The following GSTT2B variants were observed in gnomAD, a reference collection of about 807,000 sequenced individuals.
GSTT2B encodes the protein glutathione S-transferase theta 2B, also known as glutathione S-transferase theta-2B.
Under a neutral mutation model 16.6 loss-of-function variants are expected in GSTT2B, and 4 were observed. That is an observed-to-expected ratio of 0.24 (90% CI 0.12 to 0.55). The LOEUF is 0.55. GSTT2B is among the 20% of genes least tolerant of loss of function. The pLI, the probability that GSTT2B is intolerant of heterozygous loss-of-function variation, is 0.94. For synonymous variants in GSTT2B, 9 were observed against 110.9 expected (o/e 0.08, Z 5.77); for missense variants, 27 against 266.1 (o/e 0.10, Z 6.25).
chr22:23,960,791 A>G (rs1159015019), intron 1 of GSTT2B, among the ~76,000 whole-genome samples: 1 of 137,892 alleles, frequency 7.3e-6, no homozygotes, highest in Non-Finnish European at 1.6e-5. Context: ...TTTTCTTTCC[A>G]TCCCTACAGA....
At position 23,960,673 on chromosome 22, in the gene GSTT2B, C is replaced by T. The variant is rs1312305723; in HGVS notation, c.113-292G>A. On this transcript the variant is annotated intron_variant, in intron 1 of 4. Coordinates refer to ENST00000290765, the MANE Select transcript of GSTT2B (RefSeq NM_001080843.4). Reference sequence around the variant, plus strand: ...GCAAACTGGGGTGGCTCATCTCTTCCCATCTCTTAATTCTCACAACAGCAT... The same window carrying T: ...GCAAACTGGGGTGGCTCATCTCTTCTCATCTCTTAATTCTCACAACAGCAT... Among the ~76,000 whole-genome samples the T allele has an allele frequency of 4.9e-4, 53 of 108,340 alleles. 10 individuals are homozygous for T. The East Asian group carries it at 0.014, about 28-fold the overall frequency. 71.1% of individuals were successfully genotyped at this position (108,340 alleles called of 152,430 possible).
Position 23,959,798 on chromosome 22 carries a change from C to T in GSTT2B, c.200+496G>A, listed in dbSNP as rs961209658. Among the ~76,000 whole-genome samples the T allele has an allele frequency of 6.4e-5, 6 of 94,364 alleles. 1 individual carries two copies. Among genetic ancestry groups the T allele is most frequent in the Middle Eastern group, 5.5e-3 (1 of 182 alleles). The allele number at this position is 94,364 out of a possible 152,430, so 61.9% of individuals were successfully genotyped here. ...TTCACCGTGTTACCCAGGATGGTCT[C>T]GATCTCCTGACCTCGTGATCCGCCC... is the stretch of plus-strand genomic sequence containing the variant. On this transcript the variant is annotated intron_variant, in intron 2 of 4. Coordinates refer to ENST00000290765, the MANE Select transcript of GSTT2B (RefSeq NM_001080843.4).
chr22:23,959,558 CT>C (rs552490065), intron 2 of GSTT2B, among the ~76,000 whole-genome samples: 16 of 92,536 alleles, frequency 1.7e-4, no homozygotes, highest in African/African-American at 5.0e-4. Context: ...TCTTTCTTTC[CT>C]TTTTTTTTGA....
intron 2 of GSTT2B, among the ~76,000 whole-genome samples, chr22:23,959,779 G>A (rs1305769401): frequency 2.1e-5 from 2 of 94,460 alleles, no homozygotes; most frequent in African/African-American, 6.8e-5. Context: ...GGGTTTCACC[G>A]TGTTACCCAG....
At chr22:23,960,474 T>G in intron 1 of GSTT2B, 93 bp from the exon 2 acceptor site, 2 of 1,367,606 alleles carry the variant, frequency 1.5e-6, no homozygotes, top group South Asian at 2.4e-5. Flanking sequence ...CCCACAGCCC[T>G]GAGAAACAGC....
chr22:23,959,692 C>A (rs1243477688), intron 2 of GSTT2B, among the ~76,000 whole-genome samples: 2 of 103,266 alleles, frequency 1.9e-5, no homozygotes, highest in Non-Finnish European at 4.6e-5. Context: ...ATTCTCCTGC[C>A]TCAGCCTCCC....
chr22:23,959,925 G>A (rs1216521788), intron 2 of GSTT2B, among the ~76,000 whole-genome samples: 1 of 96,146 alleles, frequency 1.0e-5, no homozygotes, highest in Admixed American at 1.1e-4. Flanking sequence ...GTGCAGTGGC[G>A]CGATCTCAGC....
At chr22:23,959,820 G>A (rs991028647) in intron 2 of GSTT2B, among the ~76,000 whole-genome samples, 9 of 92,890 alleles carry the variant, frequency 9.7e-5, no homozygotes, top group South Asian at 4.8e-4. Context: ...CTCGTGATCC[G>A]CCCACCTCGG....
intron 2 of GSTT2B, among the ~76,000 whole-genome samples, chr22:23,960,022 C>G (rs995278174): frequency 2.1e-5 from 3 of 140,766 alleles, no homozygotes; most frequent in African/African-American, 8.0e-5. Context: ...CGCCACCACG[C>G]CCGGTTAATT....
chr22:23,959,726 C>T (rs1399273299), intron 2 of GSTT2B, among the ~76,000 whole-genome samples: 2 of 100,686 alleles, frequency 2.0e-5, no homozygotes, highest in African/African-American at 6.2e-5. Flanking sequence ...TACAGGCGGC[C>T]GCCACCACGC....
intron 2 of GSTT2B, among the ~76,000 whole-genome samples, chr22:23,959,617 A>G (rs1421700616): frequency 4.0e-5 from 4 of 100,140 alleles, no homozygotes; most frequent in African/African-American, 9.3e-5. Flanking sequence ...TCCCTCTGTC[A>G]CCCAGGCTGG....
chr22:23,960,492 G>T (rs2033829364), intron 1 of GSTT2B, 111 bp from the exon 2 acceptor site: 1 of 1,319,362 alleles, frequency 7.6e-7, no homozygotes, highest in African/African-American at 1.5e-5. Flanking sequence ...AGCAAGGTCT[G>T]GGACTAGAGG....
Sources: gnomAD v4.1 joint callset for allele counts (sites outside exome capture counted in the v4.1 genomes callset) on GRCh38, gnomAD v4.1.1 for gene constraint, MANE v1.5 for transcripts, NCBI Gene and HGNC (gene_info 2026-07-23, HGNC 2026-07-21) for gene names.